The following STK38 variants were observed in gnomAD, a reference collection of about 807,000 sequenced individuals.
The protein encoded by STK38 is serine/threonine-protein kinase 38.
Under a neutral mutation model 59.0 loss-of-function variants are expected in STK38, and 26 were observed. The observed-to-expected ratio is 0.44, with a 90% CI of 0.32 to 0.61. The LOEUF is 0.61. STK38 is among the 20% of genes least tolerant of loss of function. STK38 has a pLI of 0.04. For missense variants in STK38, 433 were observed against 566.0 expected, an observed-to-expected ratio of 0.76 and a Z score of 2.38; for synonymous variants, 175 against 176.6, an observed-to-expected ratio of 0.99 and a Z score of 0.07.
chr6:36,522,236 T>G (rs1048284831), intron 4 of STK38: 1 of 156,696 alleles, frequency 6.4e-6, no homozygotes, highest in African/African-American at 2.4e-5. Flanking sequence ...ATTTGGGAGG[T>G]TGAGGTAGGA....
intron 7 of STK38, among the ~76,000 whole-genome samples, chr6:36,511,748 C>CT (rs780529689): frequency 2.1e-4 from 32 of 151,948 alleles, no homozygotes; most frequent in Admixed American, 9.8e-4. Context: ...CTGGACAACT[C>CT]TAAGAAAGGA....
chr6:36,499,811 G>A, intron 10 of STK38, 62 bp downstream of exon 10: 1 of 1,272,332 alleles, frequency 7.9e-7, no homozygotes, highest in Non-Finnish European at 1.1e-6. Flanking sequence ...ACAGAGGCTG[G>A]TATCAATGTA....
chr6:36,508,048 C>A (rs1393097525), intron 7 of STK38, among the ~76,000 whole-genome samples: 1 of 151,118 alleles, frequency 6.6e-6, no homozygotes, highest in Non-Finnish European at 1.5e-5. Flanking sequence ...ATCCTCCCAA[C>A]TCAGCTTCCT....
At chr6:36,522,892 A>AAT (rs1777415354) in intron 4 of STK38, among the ~76,000 whole-genome samples, 1 of 151,178 alleles carries the variant, frequency 6.6e-6, no homozygotes, top group Non-Finnish European at 1.5e-5. Flanking sequence ...GAAGAAGAAA[A>AAT]TTCAAAATGT....
At chr6:36,532,443 G>T (rs1026313627) in intron 2 of STK38, among the ~76,000 whole-genome samples, 1 of 151,782 alleles carries the variant, frequency 6.6e-6, no homozygotes, top group Non-Finnish European at 1.5e-5. Context: ...TTATTGAGCT[G>T]TATCAGTAAA....
chr6:36,515,568 A>C (rs1777231178), intron 6 of STK38, 76 bp from the exon 7 acceptor site: 1 of 1,582,160 alleles, frequency 6.3e-7, no homozygotes, highest in African/African-American at 1.4e-5. Context: ...CATACGAGTG[A>C]GTACCAATTT....
chr6:36,527,387 A>G (rs950397327), intron 2 of STK38, among the ~76,000 whole-genome samples: 1 of 147,944 alleles, frequency 6.8e-6, no homozygotes, highest in Admixed American at 6.7e-5. Context: ...ACACACACAT[A>G]TATGTATATA....
At chr6:36,513,095 C>A (rs186745741) in intron 7 of STK38, among the ~76,000 whole-genome samples, 1 of 152,274 alleles carries the variant, frequency 6.6e-6, no homozygotes, top group East Asian at 1.9e-4. Flanking sequence ...TCTCAGCTCA[C>A]TGCAACCTCC....
chr6:36,520,114 G>C (rs977962738), intron 5 of STK38, among the ~76,000 whole-genome samples: 33 of 152,194 alleles, frequency 2.2e-4, no homozygotes, highest in Admixed American at 9.8e-4. Context: ...AGATGGCTAA[G>C]CCAGGTAGAG....
Position 36,498,346 on chromosome 6 carries a change from G to A in STK38, c.1076+17C>T, listed in dbSNP as rs1379563655. On this transcript the variant is annotated intron_variant, in intron 11 of 13. Transcript: ENST00000229812. Reference sequence around the variant, plus strand: ...TTAAAAAGCTGAGAAAGAAGGTGGAGGGATGTTCTCTAATACCTCAAAATT... The same window carrying A: ...TTAAAAAGCTGAGAAAGAAGGTGGAAGGATGTTCTCTAATACCTCAAAATT... The A allele has an allele frequency of 1.3e-6, 2 of 1,596,906 alleles. No individual in the cohort carries two copies. The highest frequency in any genetic ancestry group is 1.1e-5 in the South Asian group (1 of 88,026).
intron 7 of STK38, 133 bp downstream of exon 7, chr6:36,515,205 A>G: frequency 2.8e-6 from 2 of 712,472 alleles, no homozygotes; most frequent in Non-Finnish European, 4.1e-6. Context: ...TTACCTGTTT[A>G]AAAAAAAAAG....
At chr6:36,534,990 CA>C (rs1777752834) in intron 2 of STK38, among the ~76,000 whole-genome samples, 1 of 151,628 alleles carries the variant, frequency 6.6e-6, no homozygotes, top group African/African-American at 2.4e-5. Flanking sequence ...GATCAATATA[CA>C]AAATTCAGTT....
intron 8 of STK38, 131 bp downstream of exon 8, chr6:36,507,369 T>C (rs75144098): frequency 0.038 from 29,570 of 768,696 alleles, 2,376 homozygotes; most frequent in Admixed American, 0.24. Context: ...CAGGCAAACC[T>C]GGGAAGGTAT....
In STK38 at chr6:36,540,102, A is replaced by C. The variant is rs1214740913; in HGVS notation, c.101T>G (p.Leu34Arg). The change falls in exon 2 of 14, where the codon CTT becomes CGT. Residue 34 changes from leucine to arginine, a missense_variant. Coordinates refer to ENST00000229812, the MANE Select transcript of STK38 (RefSeq NM_007271.4). ...TTCTCGTTCTTCATGTTGAGCGATA[A>C]GGTTGCTATAAAAATTCTCCAGTGT... ...KVTLENFYSN[L>R]IAQHEEREMR... The C allele has an allele frequency of 6.2e-7, 1 of 1,614,088 alleles. No individual in the cohort carries two copies. Among genetic ancestry groups the C allele is most frequent in the South Asian group, 1.1e-5 (1 of 91,078 alleles).
intron 7 of STK38, among the ~76,000 whole-genome samples, chr6:36,513,277 C>A (rs1172316114): frequency 6.6e-6 from 1 of 150,636 alleles, no homozygotes; most frequent in African/African-American, 2.4e-5. Flanking sequence ...CTTGGCCTCC[C>A]AAAGTGCTGG....
intron 2 of STK38, among the ~76,000 whole-genome samples, chr6:36,528,747 T>TC: frequency 6.6e-6 from 1 of 152,304 alleles, no homozygotes; most frequent in South Asian, 2.1e-4. Flanking sequence ...TGTGGTCAGC[T>TC]CTTTTTGTGC....
At chr6:36,525,748 G>T (rs1777495709) in intron 2 of STK38, 106 bp from the exon 3 acceptor site, 1 of 834,956 alleles carries the variant, frequency 1.2e-6, no homozygotes, top group Non-Finnish European at 1.8e-6. Flanking sequence ...ACACAAACAG[G>T]TAAATCTCAA....
chr6:36,509,076 G>A (rs368391817), intron 7 of STK38, among the ~76,000 whole-genome samples: 182 of 152,348 alleles, frequency 1.2e-3, no homozygotes, highest in South Asian at 7.5e-3. Flanking sequence ...GCAACACGGC[G>A]AGCAAGGGAG....
intron 5 of STK38, 126 bp downstream of exon 5, chr6:36,521,608 T>C (rs1777377046): frequency 7.3e-6 from 4 of 547,446 alleles, no homozygotes; most frequent in Non-Finnish European, 1.2e-5. Flanking sequence ...TAGTATTATA[T>C]ATATAGTCAT....
Sources: gnomAD v4.1 joint callset for allele counts (sites outside exome capture counted in the v4.1 genomes callset) on GRCh38, gnomAD v4.1.1 for gene constraint, MANE v1.5 for transcripts, NCBI Gene and HGNC (gene_info 2026-07-23, HGNC 2026-07-21) for gene names.